Variants in SLC15A1 observed in about 807,000 individuals in gnomAD.
The protein encoded by SLC15A1 is Caco-2 oligopeptide transporter.
Under a neutral mutation model 92.9 loss-of-function variants are expected in SLC15A1, and 83 were observed. The ratio of observed to expected loss-of-function variants is 0.89; its 90% CI spans 0.75 to 1.07. SLC15A1 has a LOEUF of 1.07. Among genes scored for constraint, SLC15A1 ranks in the 50% least tolerant of loss-of-function variants. The pLI is 0.00. For missense variants in SLC15A1, 857 were observed against 880.1 expected (o/e 0.97, Z 0.33); for synonymous variants, 322 against 318.2 (o/e 1.01, Z -0.13).
At chr13:98,748,753 T>C (rs951190479) in intron 1 of SLC15A1, among the ~76,000 whole-genome samples, 9 of 152,122 alleles carry the variant, frequency 5.9e-5, no homozygotes, top group Admixed American at 5.9e-4. Context: ...AGTGGCAACA[T>C]GTTCACATGG....
In SLC15A1 at chr13:98,715,100, C is replaced by T. The variant is rs539309545; in HGVS notation, c.723+778G>A. On this transcript the variant is annotated intron_variant, in intron 9 of 22. Coordinates refer to ENST00000376503, the MANE Select transcript of SLC15A1 (RefSeq NM_005073.4). ...CTATTTGCAGCAATTTGTGGGCTTA[C>T]ATTTTTGCTATTATAAGTATTACAA... Among the ~76,000 whole-genome samples the T allele has an allele frequency of 3.2e-4, 48 of 152,332 alleles. 1 individual carries two copies. The highest frequency in any genetic ancestry group is 6.0e-4 in the Non-Finnish European group (41 of 68,028).
intron 1 of SLC15A1, among the ~76,000 whole-genome samples, chr13:98,752,125 C>A (rs1416980950): frequency 6.6e-6 from 1 of 152,228 alleles, no homozygotes; most frequent in East Asian, 1.9e-4. Context: ...GAGGGGGCCA[C>A]AAAGAGAGGC....
intron 18 of SLC15A1, among the ~76,000 whole-genome samples, chr13:98,696,431 C>CAACA: frequency 6.7e-6 from 1 of 149,188 alleles, no homozygotes; most frequent in African/African-American, 2.4e-5. Flanking sequence ...ACAACAACAA[C>CAACA]AAAAAAAAAC....
rs750311413 is a variant in SLC15A1, at chr13:98,704,428, G to T, written c.1277C>A (p.Ala426Glu). 2 of 1,612,726 alleles carry T rather than the reference G, an allele frequency of 1.2e-6. No individual in the cohort carries two copies. The highest frequency in any genetic ancestry group is 1.7e-6 in the Non-Finnish European group (2 of 1,179,418). Residue 426 changes from alanine (A) to glutamate (E), a missense_variant, in exon 17 of 23, where the codon GCA (alanine) becomes GAA (glutamate). By Grantham distance (107) the Ala-to-Glu change is moderately radical. Coordinates refer to ENST00000376503, the MANE Select transcript of SLC15A1 (RefSeq NM_005073.4). ...VTLGPMSQTN[A>E]FMTFDVNKLT... ...TTTGTTTACATCAAAAGTCATAAAT[G>T]CATTTGTCTATAGAGGGAGGGAAAG...
intron 14 of SLC15A1, among the ~76,000 whole-genome samples, chr13:98,709,118 C>T (rs2088139367): frequency 6.6e-6 from 1 of 152,002 alleles, no homozygotes; most frequent in Non-Finnish European, 1.5e-5. Flanking sequence ...CAGGTGAGTG[C>T]CACCACACCC....
intron 18 of SLC15A1, among the ~76,000 whole-genome samples, chr13:98,692,259 T>C (rs1289739935): frequency 6.9e-6 from 1 of 143,968 alleles, no homozygotes; most frequent in African/African-American, 2.5e-5. Context: ...GCTCAAACAA[T>C]CCTCTCACCT....
intron 1 of SLC15A1, among the ~76,000 whole-genome samples, chr13:98,743,753 A>G (rs1479333210): frequency 6.6e-6 from 1 of 152,198 alleles, no homozygotes; most frequent in African/African-American, 2.4e-5. Flanking sequence ...AGTCTAGAAG[A>G]ACACCTTTCC....
intron 22 of SLC15A1, 30 bp downstream of exon 22, chr13:98,686,160 G>A (rs548549901): frequency 1.1e-5 from 17 of 1,488,724 alleles, no homozygotes; most frequent in Admixed American, 1.0e-4. Context: ...AAAGACAGAG[G>A]TATGTGCAAT....
chr13:98,717,870 G>A (rs559308895), intron 8 of SLC15A1, among the ~76,000 whole-genome samples: 1 of 152,266 alleles, frequency 6.6e-6, no homozygotes, highest in East Asian at 1.9e-4. Context: ...AGTTGAGGTG[G>A]CCGCTGGGCT....
In SLC15A1 at chr13:98,711,749, G is replaced by C. The variant is rs2088164476; in HGVS notation, c.900+105C>G. 5 of 729,478 alleles carry C rather than the reference G, an allele frequency of 6.9e-6. No homozygotes were observed. In the South Asian group the frequency reaches 9.3e-5, roughly 14 times the overall value. 45.2% of individuals were successfully genotyped at this position (729,478 alleles called of 1,614,324 possible). A position where few individuals can be genotyped will look rare whatever the true frequency, so the allele number is the denominator to read the frequency against. On this transcript the variant is annotated intron_variant, in intron 11 of 22. Coordinates refer to ENST00000376503, the MANE Select transcript of SLC15A1 (RefSeq NM_005073.4). ...CAAGTGAAATATAAATAAGAAACTG[G>C]AGGAGAACTTTTTAGATGTGAAATA...
At chr13:98,729,443 T>A (rs1262669642) in intron 1 of SLC15A1, among the ~76,000 whole-genome samples, 1 of 152,186 alleles carries the variant, frequency 6.6e-6, no homozygotes, top group African/African-American at 2.4e-5. Flanking sequence ...CAAGGTGATG[T>A]CAATGATGCT....
At chr13:98,730,459 G>A (rs1409784928) in intron 1 of SLC15A1, among the ~76,000 whole-genome samples, 2 of 152,204 alleles carry the variant, frequency 1.3e-5, no homozygotes, top group African/African-American at 4.8e-5. Flanking sequence ...GAGACCTGTC[G>A]TGGGATGGGG....
At chr13:98,722,268 C>G (rs2088266846) in intron 5 of SLC15A1, among the ~76,000 whole-genome samples, 1 of 152,142 alleles carries the variant, frequency 6.6e-6, no homozygotes, top group African/African-American at 2.4e-5. Flanking sequence ...TCATAACCGA[C>G]TCATAATAGT....
In SLC15A1 at chr13:98,684,521, G is replaced by T. The variant is rs1371418449; in HGVS notation, c.*203C>A. 5 of 379,250 alleles carry T rather than the reference G, an allele frequency of 1.3e-5. No homozygotes were observed. Among genetic ancestry groups the T allele is most frequent in the Admixed American group, 5.2e-5 (1 of 19,118 alleles). 23.5% of individuals were successfully genotyped at this position (379,250 alleles called of 1,614,324 possible). A position where few individuals can be genotyped will look rare whatever the true frequency, so the allele number is the denominator to read the frequency against. On this transcript the variant is annotated 3_prime_UTR_variant, in exon 23 of 23. Coordinates refer to ENST00000376503, the MANE Select transcript of SLC15A1 (RefSeq NM_005073.4). ...GATCGTGCCATTGCACTCCAGCCTG[G>T]ACAACAAGAGCAAAACTCTGTCTCA... is the stretch of plus-strand genomic sequence containing the variant.
intron 18 of SLC15A1, among the ~76,000 whole-genome samples, chr13:98,701,263 T>C (rs1009789734): frequency 1.3e-5 from 2 of 152,204 alleles, no homozygotes; most frequent in South Asian, 2.1e-4. Flanking sequence ...GTTAGATTTA[T>C]ATCTAAGTAT....
chr13:98,704,605 C>A (rs559533342), intron 16 of SLC15A1, among the ~76,000 whole-genome samples, 170 bp from the exon 17 acceptor site: 7 of 152,244 alleles, frequency 4.6e-5, no homozygotes, highest in African/African-American at 1.7e-4. Context: ...TTCCCACCCA[C>A]CCTTACAGAC....
At chr13:98,739,090 C>G (rs1008589451) in intron 1 of SLC15A1, among the ~76,000 whole-genome samples, 26 of 152,208 alleles carry the variant, frequency 1.7e-4, no homozygotes, top group African/African-American at 6.0e-4. Context: ...GATTTTGGAC[C>G]TGGGTGGGGC....
chr13:98,712,919 T>A (rs2088176873), intron 9 of SLC15A1, among the ~76,000 whole-genome samples: 1 of 152,210 alleles, frequency 6.6e-6, no homozygotes, highest in African/African-American at 2.4e-5. Flanking sequence ...TGTACATACA[T>A]TTGTATAACA....
intron 18 of SLC15A1, among the ~76,000 whole-genome samples, chr13:98,692,858 C>T (rs2087991697): frequency 6.6e-6 from 1 of 151,970 alleles, no homozygotes; most frequent in South Asian, 2.1e-4. Context: ...GTGATCCTCC[C>T]ACCTCAGCTT....
Sources: gnomAD v4.1 joint callset for allele counts (sites outside exome capture counted in the v4.1 genomes callset) on GRCh38, gnomAD v4.1.1 for gene constraint, MANE v1.5 for transcripts, NCBI Gene and HGNC (gene_info 2026-07-23, HGNC 2026-07-21) for gene names.